AK5: variants seen among roughly 807,000 people sequenced by gnomAD.
AK5 encodes adenylate kinase isoenzyme 5.
AK5 carries 27 observed loss-of-function variants against 69.5 expected under a neutral mutation model. The ratio of observed to expected loss-of-function variants is 0.39; its 90% CI spans 0.29 to 0.54. The LOEUF is 0.54. Among genes scored for constraint, AK5 ranks in the 20% least tolerant of loss-of-function variants. The pLI is 0.71. For synonymous variants in AK5, 260 were observed against 244.4 expected, an observed-to-expected ratio of 1.06 and a Z score of -0.60; for missense variants, 531 against 700.4, an observed-to-expected ratio of 0.76 and a Z score of 2.73.
chr1:77,442,651 T>A (rs1652400707), intron 8 of AK5, among the ~76,000 whole-genome samples: 1 of 152,186 alleles, frequency 6.6e-6, no homozygotes, highest in Non-Finnish European at 1.5e-5. Flanking sequence ...TTCAGTGCCC[T>A]CCTTCAGTTA....
At chr1:77,380,283 A>G (rs534977206) in intron 6 of AK5, among the ~76,000 whole-genome samples, 1 of 152,278 alleles carries the variant, frequency 6.6e-6, no homozygotes, top group Admixed American at 6.5e-5. Flanking sequence ...TTTATCAAGC[A>G]CTTGCTGAGT....
intron 5 of AK5, among the ~76,000 whole-genome samples, chr1:77,312,081 T>C (rs1207451634): frequency 6.6e-6 from 1 of 152,102 alleles, no homozygotes; most frequent in Non-Finnish European, 1.5e-5. Context: ...CCAAAATAAG[T>C]CCATGGTAGC....
intron 6 of AK5, among the ~76,000 whole-genome samples, chr1:77,376,390 G>T (rs368177937): frequency 9.0e-5 from 11 of 122,600 alleles, no homozygotes; most frequent in African/African-American, 3.6e-4. Context: ...CTACAGTAGT[G>T]CAAAACCAAG....
At chr1:77,507,745 A>G (rs1178054508) in intron 10 of AK5, among the ~76,000 whole-genome samples, 1 of 152,384 alleles carries the variant, frequency 6.6e-6, no homozygotes, top group South Asian at 2.1e-4. Flanking sequence ...AGAAAAATCA[A>G]CAAAGACTTC....
intron 12 of AK5, among the ~76,000 whole-genome samples, chr1:77,523,663 CTATT>C (rs1218121631): frequency 1.3e-5 from 2 of 152,032 alleles, no homozygotes; most frequent in African/African-American, 4.8e-5. Flanking sequence ...ACTCTACCTA[CTATT>C]TATTTTATTT....
rs867200416 is a variant in AK5 at position 77,402,450 on chromosome 1, C to T, written c.892-8531C>T. 9.3e-4 allele frequency among the ~76,000 whole-genome samples: 124 copies of T among 133,888 alleles called. 5 individuals carry two copies. The highest frequency in any genetic ancestry group is 2.2e-3 in the South Asian group (8 of 3,642). 87.8% of individuals were successfully genotyped at this position (133,888 alleles called of 152,430 possible). On this transcript the variant is annotated intron_variant, in intron 6 of 13. Coordinates refer to ENST00000354567, the MANE Select transcript of AK5 (RefSeq NM_174858.3). ...CCTAATGCTATCCCTCCCCCCTCCC[C>T]CCACCCCACAACAGTCCCCGGTGTG...
chr1:77,508,428 G>A (rs1027913132), intron 10 of AK5, among the ~76,000 whole-genome samples: 6 of 152,122 alleles, frequency 3.9e-5, no homozygotes, highest in Non-Finnish European at 8.8e-5. Context: ...CTTATTAGCC[G>A]AAACATTACC....
At chr1:77,481,748 G>A (rs771127508) in intron 8 of AK5, among the ~76,000 whole-genome samples, 12 of 152,108 alleles carry the variant, frequency 7.9e-5, no homozygotes, top group Non-Finnish European at 1.3e-4. Flanking sequence ...GGCAAAATTC[G>A]ATCAAAATTA....
intron 6 of AK5, among the ~76,000 whole-genome samples, chr1:77,352,587 T>C (rs1021611406): frequency 6.6e-6 from 1 of 152,208 alleles, no homozygotes; most frequent in Non-Finnish European, 1.5e-5. Context: ...CTGCAGGTTT[T>C]TGCTGTTTGA....
intron 1 of AK5, among the ~76,000 whole-genome samples, chr1:77,285,945 C>T (rs759306508): frequency 2.0e-5 from 3 of 152,050 alleles, no homozygotes; most frequent in Non-Finnish European, 2.9e-5. Flanking sequence ...ATTAGACTCA[C>T]TCTGTGTTGT....
intron 11 of AK5, among the ~76,000 whole-genome samples, chr1:77,519,095 T>C (rs1316746994): frequency 1.3e-5 from 2 of 152,208 alleles, no homozygotes; most frequent in Non-Finnish European, 2.9e-5. Flanking sequence ...AATAATGCTT[T>C]GGTTTAGTTC....
intron 13 of AK5, among the ~76,000 whole-genome samples, chr1:77,541,143 G>A (rs985277489): frequency 6.6e-6 from 1 of 152,156 alleles, no homozygotes; most frequent in African/African-American, 2.4e-5. Flanking sequence ...TCCTGACCTT[G>A]TGATCTGCCT....
chr1:77,422,966 A>G (rs1368824362), intron 8 of AK5, among the ~76,000 whole-genome samples: 6 of 152,176 alleles, frequency 3.9e-5, no homozygotes, highest in Non-Finnish European at 8.8e-5. Context: ...CTGTAATCCC[A>G]GCACTTTGGG....
At chr1:77,499,869 C>CTTTTTTTTTTTTTTTTTTTTTTTTTTT in intron 10 of AK5, among the ~76,000 whole-genome samples, 1 of 78,776 alleles carries the variant, frequency 1.3e-5, no homozygotes, top group Non-Finnish European at 2.4e-5. Flanking sequence ...GCCCTTTTTC[C>CTTTTTTTTTTTTTTTTTTTTTTTTTTT]ATTTTTTTTT....
chr1:77,432,191 TATC>T (rs1195594820), intron 8 of AK5, among the ~76,000 whole-genome samples: 6 of 152,214 alleles, frequency 3.9e-5, no homozygotes, highest in Admixed American at 3.3e-4. Context: ...TTTCTGAAAG[TATC>T]ACCATTCAAT....
rs1660274127 is a variant in AK5 at position 77,558,825 on chromosome 1, G to A, written c.*155G>A. 1.6e-6 allele frequency: 1 copy of A among 613,634 alleles called. No homozygotes were observed. Among genetic ancestry groups the A allele is most frequent in the Non-Finnish European group, 3.0e-6 (1 of 335,430 alleles). The allele number at this position is 613,634 out of a possible 1,614,324, so 38.0% of individuals were successfully genotyped here. A position where few individuals can be genotyped will look rare whatever the true frequency, so the allele number is the denominator to read the frequency against. ...CACTGTTTGCTTCCCAGCTAGACCTGTGTGAGAGGTGTCTGGAAATCATGC... is the reference window on the plus strand; with the variant it reads ...CACTGTTTGCTTCCCAGCTAGACCTATGTGAGAGGTGTCTGGAAATCATGC... On this transcript the variant is annotated 3_prime_UTR_variant, in exon 14 of 14. Coordinates refer to ENST00000354567, the MANE Select transcript of AK5 (RefSeq NM_174858.3).
At chr1:77,365,354 G>A (rs1231285827) in intron 6 of AK5, among the ~76,000 whole-genome samples, 1 of 152,148 alleles carries the variant, frequency 6.6e-6, no homozygotes, top group Non-Finnish European at 1.5e-5. Flanking sequence ...CCTGTCACCT[G>A]GGCTGAAGTG....
At chr1:77,470,826 AATATAT>A (rs71075744) in intron 8 of AK5, among the ~76,000 whole-genome samples, 17 of 51,162 alleles carry the variant, frequency 3.3e-4, no homozygotes, top group African/African-American at 1.3e-3. Flanking sequence ...GCACATTTAG[AATATAT>A]ATATATATAT....
At chr1:77,378,732 A>G (rs921000817) in intron 6 of AK5, among the ~76,000 whole-genome samples, 2 of 152,228 alleles carry the variant, frequency 1.3e-5, no homozygotes, top group Admixed American at 1.3e-4. Flanking sequence ...ATGCAGATGG[A>G]ACTGAGAGAG....
Sources: gnomAD v4.1 joint callset for allele counts (sites outside exome capture counted in the v4.1 genomes callset) on GRCh38, gnomAD v4.1.1 for gene constraint, MANE v1.5 for transcripts, NCBI Gene and HGNC (gene_info 2026-07-23, HGNC 2026-07-21) for gene names.